The following MCF2L variants were observed in gnomAD, a reference collection of about 807,000 sequenced individuals.
MCF2L encodes the protein MCF.2 cell line derived transforming sequence like.
Under a neutral mutation model 153.4 loss-of-function variants are expected in MCF2L, and 97 were observed. The observed-to-expected ratio is 0.63, with a 90% CI of 0.54 to 0.75. The LOEUF (loss-of-function observed/expected upper bound fraction) is 0.75. Ranked by LOEUF, MCF2L falls within the 30% of genes least tolerant of loss-of-function variation. The probability of loss-of-function intolerance (pLI) is 0.00; values close to 1 mark genes in which losing one functional copy is unlikely to be tolerated. For missense variants in MCF2L, 1,347 were observed against 1,495.2 expected (o/e 0.90, Z 1.64); for synonymous variants, 659 against 632.2 (o/e 1.04, Z -0.64).
intron 1 of MCF2L, among the ~76,000 whole-genome samples, chr13:112,990,384 C>T (rs1242536456): frequency 6.6e-6 from 1 of 152,216 alleles, no homozygotes; most frequent in Non-Finnish European, 1.5e-5. Context: ...GCCTGTTTTT[C>T]AAGGACAAAG....
intron 4 of MCF2L, among the ~76,000 whole-genome samples, chr13:113,051,726 G>T (rs2087343712): frequency 6.6e-6 from 1 of 152,228 alleles, no homozygotes; most frequent in Non-Finnish European, 1.5e-5. Flanking sequence ...AAGAATTCAT[G>T]CCTTACAGTT....
chr13:112,982,629 C>T (rs1263790188), intron 1 of MCF2L, among the ~76,000 whole-genome samples: 1 of 152,120 alleles, frequency 6.6e-6, no homozygotes, highest in Non-Finnish European at 1.5e-5. Flanking sequence ...TGCCGAGAGG[C>T]CTGCTCTCGC....
At chr13:112,914,763 G>C (rs779189325) in intron 2 of MCF2L, among the ~76,000 whole-genome samples, 9 of 152,084 alleles carry the variant, frequency 5.9e-5, no homozygotes, top group Non-Finnish European at 8.8e-5. Context: ...ATTTTAGCTG[G>C]GTTGCTAATC....
At chr13:113,066,011 C>A (rs370164275) in intron 7 of MCF2L, 35 bp from the exon 8 acceptor site, 1 of 1,603,024 alleles carries the variant, frequency 6.2e-7, no homozygotes, top group South Asian at 1.1e-5. Context: ...TGTGCCTGGA[C>A]GGGGCCGGGA....
intron 2 of MCF2L, among the ~76,000 whole-genome samples, chr13:112,913,980 T>G (rs954449268): frequency 1.3e-5 from 2 of 152,180 alleles, no homozygotes; most frequent in Non-Finnish European, 2.9e-5. Context: ...GAGTCCAGAC[T>G]CCTTAGCGTT....
At chr13:112,906,046 G>C (rs567667162) in intron 2 of MCF2L, among the ~76,000 whole-genome samples, 11 of 152,336 alleles carry the variant, frequency 7.2e-5, no homozygotes, top group Admixed American at 2.0e-4. Flanking sequence ...ACTGGTCTTT[G>C]AGAAGGTCAC....
intron 1 of MCF2L, among the ~76,000 whole-genome samples, chr13:112,977,141 T>A (rs1046327380): frequency 1.3e-5 from 2 of 152,174 alleles, no homozygotes; most frequent in African/African-American, 4.8e-5. Flanking sequence ...ACTCCACGAC[T>A]AATGGAGTGG....
intron 9 of MCF2L, among the ~76,000 whole-genome samples, chr13:113,072,549 A>C (rs977609657): frequency 3.3e-5 from 5 of 152,336 alleles, no homozygotes; most frequent in South Asian, 2.1e-4. Flanking sequence ...TAAAATTATG[A>C]ATTCAGTGTC....
At chr13:112,938,305 C>A (rs1333777165) in intron 2 of MCF2L, among the ~76,000 whole-genome samples, 1 of 150,910 alleles carries the variant, frequency 6.6e-6, no homozygotes, top group Non-Finnish European at 1.5e-5. Flanking sequence ...CAGGTGAGCT[C>A]TGAGTGGTTG....
chr13:113,096,802 C>T lies in MCF2L; in HGVS notation c.3321C>T (p.Ser1107=). 6.4e-7 allele frequency: 1 copy of T among 1,556,990 alleles called. No individual in the cohort carries two copies. Among genetic ancestry groups the T allele is most frequent in the Non-Finnish European group, 8.6e-7 (1 of 1,161,850 alleles). ...SESSPGSAVL[S]NSSSCSEGGQ... ...CGAGCCCGGGGTCGGCCGTGCTGAG[C>T]AACTCGTCCAGCTGCAGCGAGGGCG... Residue 1107 remains serine, a synonymous_variant, in exon 30 of 30, where the codon AGC becomes AGT. Transcript: ENST00000535094.
chr13:112,918,871 A>T lies in MCF2L; in HGVS notation c.169+16500A>T, dbSNP rs550013119. ...TCCCATTTTCCCAGTGCAGGAGCTGAGGCCCATCTGGATTACACGGATTCT... is the reference window on the plus strand; with the variant it reads ...TCCCATTTTCCCAGTGCAGGAGCTGTGGCCCATCTGGATTACACGGATTCT... On this transcript the variant is annotated intron_variant, in intron 2 of 29. Coordinates refer to the MCF2L transcript ENST00000375608. Among the ~76,000 whole-genome samples the T allele has an allele frequency of 8.2e-4, 125 of 152,278 alleles. 1 individual carries two copies. The Middle Eastern group carries it at 0.017, about 21-fold the overall frequency.
At chr13:112,981,398 G>A (rs529264735) in intron 1 of MCF2L, among the ~76,000 whole-genome samples, 35 of 152,348 alleles carry the variant, frequency 2.3e-4, no homozygotes, top group Admixed American at 4.6e-4. Context: ...GTCATCCGCT[G>A]TGAGTTCTGC....
chr13:113,075,009 G>GA lies in MCF2L; in HGVS notation c.1129dup (p.Arg377LysfsTer35). The GA allele has an allele frequency of 6.2e-7, 1 of 1,600,112 alleles. No individual in the cohort carries two copies. Among genetic ancestry groups the GA allele is most frequent in the Non-Finnish European group, 8.5e-7 (1 of 1,169,602 alleles). ...GTGGCCGTCCACAGGTGGCCGTGGAGAGGGCCCGGGCCCTGTCTCTGGACG... is the reference window on the plus strand; with the variant it reads ...GTGGCCGTCCACAGGTGGCCGTGGAGAAGGGCCCGGGCCCTGTCTCTGGACG... On this transcript the variant is annotated frameshift_variant, in exon 11 of 30. Coordinates refer to ENST00000535094, the MANE Select transcript of MCF2L (RefSeq NM_001112732.3). LOFTEE classifies it high-confidence loss of function.
upstream of MCF2L, chr13:112,967,608 A>AG (rs1272357995): frequency 6.6e-6 from 1 of 152,308 alleles, no homozygotes; most frequent in African/African-American, 2.4e-5. Context: ...AGGCACTATA[A>AG]GGGGGAGTAC....
At position 112,998,150 on chromosome 13, in the gene MCF2L, C is replaced by T. The variant is rs2083217306; in HGVS notation, c.80-16613C>T. 2.0e-5 allele frequency among the ~76,000 whole-genome samples: 3 copies of T among 152,348 alleles called. No homozygotes were observed. The South Asian group carries it at 6.2e-4, about 32-fold the overall frequency. ...CCGTGCACAGCGCAGCTCCTAGACA[C>T]GGTCATTCATGTAATTTCTAGGCAC... On this transcript the variant is annotated intron_variant, in intron 1 of 29. Transcript: ENST00000535094.
intron 1 of MCF2L, among the ~76,000 whole-genome samples, chr13:112,897,380 G>A (rs1345403274): frequency 3.9e-5 from 6 of 152,080 alleles, no homozygotes; most frequent in Non-Finnish European, 5.9e-5. Context: ...CCGGCTCTGC[G>A]GGGTTCACAG....
chr13:113,039,945 A>G (rs1335218398), intron 3 of MCF2L, among the ~76,000 whole-genome samples: 1 of 152,228 alleles, frequency 6.6e-6, no homozygotes, highest in Non-Finnish European at 1.5e-5. Flanking sequence ...TAAGAAGCTC[A>G]TTGTCTTATG....
intron 9 of MCF2L, among the ~76,000 whole-genome samples, chr13:113,073,494 C>T (rs1414557221): frequency 6.6e-6 from 1 of 152,232 alleles, no homozygotes; most frequent in East Asian, 1.9e-4. Context: ...TCCTGGCCTT[C>T]AACCCCAGGC....
At position 113,060,623 on chromosome 13, in the gene MCF2L, C is replaced by G. The variant is rs371407134; in HGVS notation, c.400C>G (p.Leu134Val). The change falls in exon 5 of 30, where the codon CTC becomes GTC. Residue 134 changes from leucine to valine, a missense_variant. Physicochemically the swap from Leu to Val is conservative, Grantham distance 32. Coordinates refer to ENST00000535094, the MANE Select transcript of MCF2L (RefSeq NM_001112732.3). ...TTTCCCGGCAAACCTGCAGCTCGTC[C>G]TCGTGCTTCGCCCGACGGGTTTTTT... ...ASFPANLQLVLVLRPTGFFQR... is the reference protein window; with the variant it reads ...ASFPANLQLVVVLRPTGFFQR... 6 of 1,613,484 alleles carry G rather than the reference C, an allele frequency of 3.7e-6. No individual in the cohort carries two copies. The African/African-American group carries it at 6.7e-5, about 18-fold the overall frequency.
Sources: gnomAD v4.1 joint callset for allele counts (sites outside exome capture counted in the v4.1 genomes callset) on GRCh38, gnomAD v4.1.1 for gene constraint, MANE v1.5 for transcripts, NCBI Gene and HGNC (gene_info 2026-07-23, HGNC 2026-07-21) for gene names.